SFXN5: variants seen among roughly 807,000 people sequenced by gnomAD.
SFXN5 encodes sideroflexin-5.
A neutral mutation model predicts 50.2 loss-of-function variants in SFXN5; 43 were observed. That is an observed-to-expected ratio of 0.86 (90% CI 0.67 to 1.11). The LOEUF (loss-of-function observed/expected upper bound fraction) is 1.11, where lower values mean the gene tolerates loss of function less well. Ranked by LOEUF, SFXN5 falls within the 50% of genes least tolerant of loss-of-function variation. The pLI, the probability that SFXN5 is intolerant of heterozygous loss-of-function variation, is 0.00. For missense variants in SFXN5, 463 were observed against 454.1 expected (o/e 1.02, Z -0.18); for synonymous variants, 203 against 185.8 (o/e 1.09, Z -0.75).
At chr2:72,963,060 A>C (rs74379944) in intron 12 of SFXN5, among the ~76,000 whole-genome samples, 4,784 of 152,226 alleles carry the variant, frequency 0.031, 230 homozygotes, top group African/African-American at 0.11. Context: ...TGAACTTCTC[A>C]AGCAAGATGA....
At chr2:73,066,633 C>A (rs527496423) in intron 1 of SFXN5, among the ~76,000 whole-genome samples, 1 of 151,844 alleles carries the variant, frequency 6.6e-6, no homozygotes, top group Non-Finnish European at 1.5e-5. Flanking sequence ...GATCCTGATT[C>A]AAACAAATCA....
At chr2:73,069,856 C>G (rs182423446) in intron 1 of SFXN5, among the ~76,000 whole-genome samples, 2 of 152,102 alleles carry the variant, frequency 1.3e-5, no homozygotes, top group African/African-American at 4.8e-5. Context: ...ATCTTTTACT[C>G]GGCACATTAC....
Position 72,992,346 on chromosome 2 carries a change from T to C in SFXN5, c.535-3998A>G, listed in dbSNP as rs1672700810. Among the ~76,000 whole-genome samples, 1 of 152,180 alleles carries C rather than the reference T, an allele frequency of 6.6e-6. No homozygotes were observed. The highest frequency in any genetic ancestry group is 2.1e-4 in the South Asian group (1 of 4,826). On this transcript the variant is annotated intron_variant, in intron 9 of 13. Coordinates refer to ENST00000272433, the MANE Select transcript of SFXN5 (RefSeq NM_144579.3). This position sits in a 1 kb window ranked among gnomAD's most constrained non-coding sequence, Gnocchi z 4.5. ...GGCTGTAGCCTTAAGTACCAAGGGCTTTCCGGGCCAACAACAGGCCAGCAA... is the reference window on the plus strand; with the variant it reads ...GGCTGTAGCCTTAAGTACCAAGGGCCTTCCGGGCCAACAACAGGCCAGCAA...
intron 10 of SFXN5, among the ~76,000 whole-genome samples, chr2:72,986,085 T>G (rs1559122057): frequency 6.6e-6 from 1 of 152,254 alleles, no homozygotes; most frequent in African/African-American, 2.4e-5. Flanking sequence ...GGAACACCAG[T>G]TGGGCAGCCG....
At chr2:73,045,873 C>G (rs1680257745) in intron 2 of SFXN5, among the ~76,000 whole-genome samples, 1 of 152,110 alleles carries the variant, frequency 6.6e-6, no homozygotes, top group Non-Finnish European at 1.5e-5. Context: ...TCCTTGGCTC[C>G]CATCAGCCAG....
At chr2:72,947,735 C>T (rs987470403) in intron 13 of SFXN5, among the ~76,000 whole-genome samples, 1 of 152,136 alleles carries the variant, frequency 6.6e-6, no homozygotes, top group Non-Finnish European at 1.5e-5. Flanking sequence ...CAAGTCTGGT[C>T]ACCCGAGAGG....
intron 13 of SFXN5, chr2:72,957,092 T>A: frequency 2.2e-6 from 1 of 456,582 alleles, no homozygotes. Context: ...TTCTTGATGG[T>A]TTTTCTTCCT....
chr2:73,050,392 G>GCACACACACACACA (rs35090808), intron 2 of SFXN5, among the ~76,000 whole-genome samples: 2 of 146,508 alleles, frequency 1.4e-5, no homozygotes, highest in Non-Finnish European at 3.0e-5. Context: ...CACAGCGCAC[G>GCACACACACACACA]CACACACACA....
intron 3 of SFXN5, among the ~76,000 whole-genome samples, chr2:73,033,509 G>T (rs1678579101): frequency 6.6e-6 from 1 of 152,224 alleles, no homozygotes; most frequent in African/African-American, 2.4e-5. Flanking sequence ...TCTCACTGAG[G>T]TGATATTGGA....
chr2:72,968,373 T>C (rs1674709174), intron 12 of SFXN5, 75 bp downstream of exon 12: 2 of 1,426,594 alleles, frequency 1.4e-6, no homozygotes, highest in Admixed American at 3.8e-5. Context: ...ATCTCTTGCC[T>C]GGGCCAGCCG....
At chr2:73,059,267 C>G in intron 1 of SFXN5, 1 of 985,672 alleles carries the variant, frequency 1.0e-6, no homozygotes, top group South Asian at 4.7e-5. Flanking sequence ...GGCTGCTGGG[C>G]CTTCTGCCCT....
chr2:72,965,233 C>G (rs1436693107), intron 12 of SFXN5, among the ~76,000 whole-genome samples: 1 of 152,170 alleles, frequency 6.6e-6, no homozygotes, highest in African/African-American at 2.4e-5. Context: ...GGCAGGCCAC[C>G]CACGGGCAGA....
chr2:72,961,051 G>C lies in SFXN5; in HGVS notation c.945+80C>G. 1 of 1,048,852 alleles carries C rather than the reference G, an allele frequency of 9.5e-7. No individual in the cohort carries two copies. Among genetic ancestry groups the C allele is most frequent in the Non-Finnish European group, 1.3e-6 (1 of 752,730 alleles). 65.0% of individuals were successfully genotyped at this position (1,048,852 alleles called of 1,614,324 possible). ...GCGCCTAGCATGGCGCTAAGGAGTC[G>C]GCACGGTATGAGTATTTGTTCAGAA... is the stretch of plus-strand genomic sequence containing the variant. On this transcript the variant is annotated intron_variant, in intron 13 of 13. Coordinates refer to ENST00000272433, the MANE Select transcript of SFXN5 (RefSeq NM_144579.3). The surrounding 1 kb of genome is among the most constrained non-coding windows in gnomAD (Gnocchi z 4.4).
chr2:72,983,447 G>A (rs757770158), intron 10 of SFXN5, among the ~76,000 whole-genome samples: 2 of 152,250 alleles, frequency 1.3e-5, no homozygotes, highest in Non-Finnish European at 2.9e-5. Context: ...GGTGCCTGCA[G>A]GAAGCTTGTT....
chr2:72,954,417 C>T (rs1024229127), intron 13 of SFXN5, among the ~76,000 whole-genome samples: 2 of 152,118 alleles, frequency 1.3e-5, no homozygotes, highest in Non-Finnish European at 2.9e-5. Context: ...GGAAGGCAGA[C>T]GGCAGATGCC....
intron 9 of SFXN5, among the ~76,000 whole-genome samples, chr2:72,996,177 T>C (rs1673203698): frequency 6.6e-6 from 1 of 152,066 alleles, no homozygotes; most frequent in Non-Finnish European, 1.5e-5. Flanking sequence ...TTTCCAGGAC[T>C]TGTGAGGAGG....
chr2:73,066,716 T>C (rs990226921), intron 1 of SFXN5, among the ~76,000 whole-genome samples: 9 of 151,222 alleles, frequency 6.0e-5, no homozygotes, highest in Non-Finnish European at 1.0e-4. Flanking sequence ...TAAGAATTAA[T>C]GGGCCAGGCA....
chr2:72,975,280 G>A (rs189146076), intron 10 of SFXN5, among the ~76,000 whole-genome samples: 9 of 152,332 alleles, frequency 5.9e-5, no homozygotes, highest in Admixed American at 4.6e-4. Context: ...GAGGAAGAAA[G>A]AGCAGTAGAC....
rs1270718129 is a variant in SFXN5 at position 73,023,183 on chromosome 2, A to T, written c.276+5T>A. The T allele has an allele frequency of 6.2e-7, 1 of 1,602,864 alleles. No individual in the cohort carries two copies. Among genetic ancestry groups the T allele is most frequent in the Non-Finnish European group, 8.5e-7 (1 of 1,174,034 alleles). ...AAGGAAATAGAGAATCCAAAACTGG[A>T]TTACCTGCTTGATTTTCTGTGCACT... On this transcript the variant is annotated splice_donor_5th_base_variant and intron_variant, in intron 4 of 13. Transcript: ENST00000272433.
Sources: allele counts gnomAD v4.1 joint callset (sites outside exome capture counted in the v4.1 genomes callset), GRCh38; gene constraint gnomAD v4.1.1; non-coding constraint Gnocchi (gnomAD v3.1); transcripts MANE v1.5; gene names NCBI Gene and HGNC (gene_info 2026-07-23, HGNC 2026-07-21).